The following LCORL variants were observed in gnomAD, a reference collection of about 807,000 sequenced individuals.
LCORL encodes the protein ligand-dependent nuclear receptor corepressor-like protein.
LCORL carries 41 observed loss-of-function variants against 141.8 expected under a neutral mutation model. That is an observed-to-expected ratio of 0.29 (90% CI 0.23 to 0.38). The LOEUF (loss-of-function observed/expected upper bound fraction) is 0.38. Among genes scored for constraint, LCORL ranks in the 10% least tolerant of loss-of-function variants. The pLI is 1.00. For synonymous variants in LCORL, 618 were observed against 694.1 expected, an observed-to-expected ratio of 0.89 and a Z score of 1.72; for missense variants, 1,759 against 2,035.0, an observed-to-expected ratio of 0.86 and a Z score of 2.61.
At chr4:17,864,439 C>T (rs1410085079) in intron 7 of LCORL, among the ~76,000 whole-genome samples, 1 of 152,164 alleles carries the variant, frequency 6.6e-6, no homozygotes, top group African/African-American at 2.4e-5. Flanking sequence ...TGGTCTTGAA[C>T]TCCAGGGCTC....
chr4:18,006,631 G>A (rs1387172908), intron 1 of LCORL, among the ~76,000 whole-genome samples: 1 of 152,178 alleles, frequency 6.6e-6, no homozygotes, highest in African/African-American at 2.4e-5. Flanking sequence ...ATCTCAGATG[G>A]TGGCAGACAA....
chr4:17,992,046 CG>C (rs1394899857), intron 1 of LCORL, among the ~76,000 whole-genome samples: 1 of 152,110 alleles, frequency 6.6e-6, no homozygotes, highest in Non-Finnish European at 1.5e-5. Context: ...CGTACCATAA[CG>C]TTTTTGATAT....
intron 1 of LCORL, among the ~76,000 whole-genome samples, chr4:18,007,352 T>A (rs941163396): frequency 6.6e-6 from 1 of 152,208 alleles, no homozygotes; most frequent in Non-Finnish European, 1.5e-5. Context: ...TACTACTATA[T>A]CCTGCTTACA....
chr4:17,893,637 T>G (rs1729446211), intron 5 of LCORL: 9 of 981,004 alleles, frequency 9.2e-6, no homozygotes, highest in Non-Finnish European at 1.1e-5. Flanking sequence ...TTATTTGTTT[T>G]CTAGTTTTGC....
At chr4:17,854,131 A>G (rs550876447) in intron 7 of LCORL, among the ~76,000 whole-genome samples, 53 of 152,272 alleles carry the variant, frequency 3.5e-4, no homozygotes, top group Non-Finnish European at 6.2e-4. Context: ...CTGGGGCAGA[A>G]GGAAGATTTG....
intron 4 of LCORL, chr4:17,911,765 G>GCA (rs1240424462): frequency 8.2e-4 from 377 of 459,296 alleles, no homozygotes; most frequent in Non-Finnish European, 1.4e-3. Flanking sequence ...CTGGTCAGCA[G>GCA]CGTGGCTGGC....
chr4:17,952,528 G>A lies in LCORL; in HGVS notation c.430+9375C>T, dbSNP rs1028133046. 6.7e-5 allele frequency among the ~76,000 whole-genome samples: 10 copies of A among 150,126 alleles called. No individual in the cohort carries two copies. In the Admixed American group the frequency reaches 6.7e-4, roughly 10 times the overall value. Reference sequence around the variant, plus strand: ...CCTCCCAGGTTCACGCCATTCTCCTGCCTCAGCCTCCCCTGTAGCTGGGAT... The same window carrying A: ...CCTCCCAGGTTCACGCCATTCTCCTACCTCAGCCTCCCCTGTAGCTGGGAT... On this transcript the variant is annotated intron_variant, in intron 4 of 7. Transcript: ENST00000635767.
chr4:17,886,277 A>G, intron 5 of LCORL, 116 bp from the exon 6 acceptor site: 2 of 660,930 alleles, frequency 3.0e-6, no homozygotes, highest in Non-Finnish European at 5.4e-6. Flanking sequence ...ATATGTGGCC[A>G]TTACCTATTC....
intron 1 of LCORL, among the ~76,000 whole-genome samples, chr4:18,002,891 T>C (rs540445187): frequency 6.6e-6 from 1 of 152,292 alleles, no homozygotes; most frequent in Admixed American, 6.5e-5. Context: ...AAAACAGAAC[T>C]GCACCAGTGA....
chr4:17,875,139 T>G, exon 7 of LCORL: 4 of 1,233,068 alleles, frequency 3.2e-6, no homozygotes, highest in Non-Finnish European at 4.0e-6. Flanking sequence ...TGACGTATTA[T>G]CCTGTTCTAA....
chr4:18,018,826 A>C (rs1000013702), intron 1 of LCORL, among the ~76,000 whole-genome samples: 1 of 152,222 alleles, frequency 6.6e-6, no homozygotes, highest in South Asian at 2.1e-4. Flanking sequence ...TTATTTTATA[A>C]AAATGATTGT....
chr4:17,870,113 AGTTCT>A (rs1376254357), intron 7 of LCORL, among the ~76,000 whole-genome samples: 1 of 152,038 alleles, frequency 6.6e-6, no homozygotes. Context: ...TTTATGCCTC[AGTTCT>A]GATAAATTAC....
intron 4 of LCORL, among the ~76,000 whole-genome samples, chr4:17,950,820 A>C (rs1739602912): frequency 6.6e-6 from 1 of 152,182 alleles, no homozygotes; most frequent in Non-Finnish European, 1.5e-5. Context: ...TTTAGACCAC[A>C]CAAATAAAAT....
exon 8 of LCORL, chr4:17,843,612 A>C: frequency 3.9e-6 from 2 of 506,484 alleles, no homozygotes; most frequent in Non-Finnish European, 7.0e-6. Context: ...GTCCAGAAAA[A>C]GTGTGCATCA....
chr4:17,852,950 C>T (rs1056713561), intron 7 of LCORL, among the ~76,000 whole-genome samples: 8 of 151,824 alleles, frequency 5.3e-5, no homozygotes, highest in Admixed American at 6.6e-5. Flanking sequence ...GTTACCTAGC[C>T]GACTCTTACA....
chr4:17,908,993 A>G, intron 5 of LCORL, 101 bp downstream of exon 5: 1 of 1,080,058 alleles, frequency 9.3e-7, no homozygotes. Flanking sequence ...AAGTCATATT[A>G]CATCCAAAAT....
chr4:18,013,676 G>T (rs1724158636), intron 1 of LCORL, among the ~76,000 whole-genome samples: 1 of 152,156 alleles, frequency 6.6e-6, no homozygotes, highest in Non-Finnish European at 1.5e-5. Flanking sequence ...TAAACATGAA[G>T]ACTACTGGAC....
intron 4 of LCORL, among the ~76,000 whole-genome samples, chr4:17,931,750 T>C (rs933733502): frequency 8.5e-5 from 13 of 152,164 alleles, no homozygotes; most frequent in Non-Finnish European, 1.3e-4. Flanking sequence ...GAATGTTCCA[T>C]GTATACTTGG....
exon 8 of LCORL, chr4:17,843,442 G>A (rs1051519639): frequency 6.2e-7 from 1 of 1,609,036 alleles, no homozygotes. Flanking sequence ...CGATGGAGGT[G>A]GAATCCTTTA....
Sources: gnomAD v4.1 joint callset for allele counts (sites outside exome capture counted in the v4.1 genomes callset) on GRCh38, gnomAD v4.1.1 for gene constraint, MANE v1.5 for transcripts, NCBI Gene and HGNC (gene_info 2026-07-23, HGNC 2026-07-21) for gene names.